The following TMTC1 variants were observed in gnomAD, a reference collection of about 807,000 sequenced individuals.
The protein encoded by TMTC1 is transmembrane O-mannosyltransferase targeting cadherins 1.
In TMTC1, 73 loss-of-function variants were observed where a neutral mutation model predicts 104.8. That is an observed-to-expected ratio of 0.70 (90% confidence interval 0.58 to 0.85). The LOEUF (loss-of-function observed/expected upper bound fraction) is 0.85. TMTC1 is among the 40% of genes least tolerant of loss of function. TMTC1 has a pLI of 0.00. For missense variants in TMTC1, 1,035 were observed against 1,096.1 expected, an observed-to-expected ratio of 0.94 and a Z score of 0.79; for synonymous variants, 434 against 428.7, an observed-to-expected ratio of 1.01 and a Z score of -0.15.
chr12:29,644,111 ATGTGTGTGTGTG>A (rs371107912), intron 5 of TMTC1, among the ~76,000 whole-genome samples: 940 of 74,428 alleles, frequency 0.013, 65 homozygotes, highest in African/African-American at 0.039. Flanking sequence ...ATAAATATAT[ATGTGTGTGTGTG>A]TGTGTGTGTG....
intron 5 of TMTC1, among the ~76,000 whole-genome samples, chr12:29,664,195 A>T (rs927070632): frequency 6.7e-6 from 1 of 150,364 alleles, no homozygotes; most frequent in Admixed American, 6.6e-5. Context: ...TCAAAAAAAT[A>T]AAAATAAAAA....
intron 1 of TMTC1, among the ~76,000 whole-genome samples, chr12:29,782,367 G>A (rs1943853718): frequency 6.6e-6 from 1 of 152,190 alleles, no homozygotes; most frequent in African/African-American, 2.4e-5. Context: ...CACCTGTCAA[G>A]AGGCCTCAGC....
intron 4 of TMTC1, among the ~76,000 whole-genome samples, chr12:29,752,883 G>C (rs545417427): frequency 2.6e-5 from 4 of 152,254 alleles, no homozygotes; most frequent in South Asian, 2.1e-4. Context: ...TCTGGAGAGA[G>C]AGGATAAGGA....
chr12:29,521,274 T>C (rs966226116), intron 11 of TMTC1, among the ~76,000 whole-genome samples: 1 of 152,214 alleles, frequency 6.6e-6, no homozygotes, highest in Non-Finnish European at 1.5e-5. Flanking sequence ...TGGGGAGGGC[T>C]CTGCCCTATC....
intron 10 of TMTC1, among the ~76,000 whole-genome samples, chr12:29,549,057 T>C (rs1945026404): frequency 6.8e-6 from 1 of 146,524 alleles, no homozygotes; most frequent in African/African-American, 2.5e-5. Flanking sequence ...TAAATAAATA[T>C]ATATTTACCC....
chr12:29,628,535 A>C (rs376535467), intron 6 of TMTC1, among the ~76,000 whole-genome samples: 1 of 152,316 alleles, frequency 6.6e-6, no homozygotes, highest in Non-Finnish European at 1.5e-5. Flanking sequence ...ACCAGCATTA[A>C]CGTCAACACA....
At chr12:29,634,117 C>A (rs924915418) in intron 5 of TMTC1, among the ~76,000 whole-genome samples, 3 of 152,146 alleles carry the variant, frequency 2.0e-5, no homozygotes, top group Non-Finnish European at 2.9e-5. Context: ...ATGACCCCAG[C>A]CCCTCATTAA....
intron 5 of TMTC1, chr12:29,640,681 A>G (rs1397115836): frequency 4.6e-5 from 7 of 152,248 alleles, no homozygotes; most frequent in Non-Finnish European, 1.0e-4. Context: ...CAGGGATCCA[A>G]TGGGAGAGAA....
intron 6 of TMTC1, among the ~76,000 whole-genome samples, chr12:29,619,673 T>C (rs1947079396): frequency 6.6e-6 from 1 of 152,250 alleles, no homozygotes; most frequent in African/African-American, 2.4e-5. Flanking sequence ...AAGCCATCCA[T>C]AATCTTTCTA....
intron 5 of TMTC1, chr12:29,660,112 G>T: frequency 1.4e-6 from 1 of 736,968 alleles, no homozygotes; most frequent in Non-Finnish European, 2.2e-6. Flanking sequence ...TAGTCTTGTG[G>T]CTGGCTTGTA....
intron 5 of TMTC1, among the ~76,000 whole-genome samples, chr12:29,637,766 A>T (rs1938630218): frequency 6.6e-6 from 1 of 152,240 alleles, no homozygotes; most frequent in African/African-American, 2.4e-5. Flanking sequence ...CATGAGCCTA[A>T]CATATTTCTT....
chr12:29,508,736 C>G (rs767938404), intron 17 of TMTC1, among the ~76,000 whole-genome samples: 1 of 151,940 alleles, frequency 6.6e-6, no homozygotes, highest in Non-Finnish European at 1.5e-5. Context: ...ACAACATGCC[C>G]GGCTAATTTT....
intron 5 of TMTC1, among the ~76,000 whole-genome samples, chr12:29,666,421 G>T (rs1280537307): frequency 1.3e-5 from 2 of 151,518 alleles, no homozygotes; most frequent in Admixed American, 6.6e-5. Context: ...TTTTAGTAGA[G>T]ACGGGGTTTC....
chr12:29,613,982 T>G lies in TMTC1; in HGVS notation c.1129-9683A>C, dbSNP rs1034261033. On this transcript the variant is annotated intron_variant, in intron 6 of 17. Transcript: ENST00000539277. ...AGTCCCTTTGTTCTATAATCTAAAA[T>G]TAATAAGGAGAAAGAACCATAAAAA... 47 of 945,036 alleles carry G rather than the reference T, an allele frequency of 5.0e-5. No homozygotes were observed. In the African/African-American group the frequency reaches 7.6e-4, roughly 15 times the overall value. 58.5% of individuals were successfully genotyped at this position (945,036 alleles called of 1,614,324 possible). A position where few individuals can be genotyped will look rare whatever the true frequency, so the allele number is the denominator to read the frequency against.
intron 5 of TMTC1, among the ~76,000 whole-genome samples, chr12:29,737,780 T>TC (rs1243442984): frequency 2.0e-5 from 3 of 152,136 alleles, no homozygotes; most frequent in African/African-American, 7.2e-5. Context: ...TGATATGAGC[T>TC]CCCGGAGCCT....
Position 29,541,166 on chromosome 12 carries a change from G to C in TMTC1, c.1677-4849C>G, listed in dbSNP as rs77870140. Among the ~76,000 whole-genome samples, 1,021 of 152,122 alleles carry C rather than the reference G, an allele frequency of 6.7e-3. 22 individuals carry two copies. Among genetic ancestry groups the C allele is most frequent in the East Asian group, 0.055 (285 of 5,176 alleles). ...TTTCTACAGTTCTTTAAGTATTATA[G>C]ACGTGATCCTAAGGAAGACAGAAGC... On this transcript the variant is annotated intron_variant, in intron 10 of 17. Coordinates refer to ENST00000539277, the MANE Select transcript of TMTC1 (RefSeq NM_001193451.2).
upstream of TMTC1, chr12:29,784,708 T>C (rs1943915893): frequency 6.6e-6 from 1 of 152,226 alleles, no homozygotes; most frequent in Non-Finnish European, 1.5e-5. Context: ...TCTTATTTTA[T>C]TGTTTGCTCA....
Position 29,751,818 on chromosome 12 carries a change from G to A in TMTC1, c.786C>T (p.Pro262=), listed in dbSNP as rs1386923817. Reference sequence around the variant, plus strand: ...GGTGAGGATGGCCTGGCAGTGAGGAGGGCTGGGGGCTCCCGGGCTGCTGTG... The same window carrying A: ...GGTGAGGATGGCCTGGCAGTGAGGAAGGCTGGGGGCTCCCGGGCTGCTGTG... ...RSPQQPGSPQ[P]SSLPGHPHRE... Residue 262 remains proline (P), a synonymous_variant, in exon 5 of 18, where the codon CCC becomes CCT. Coordinates refer to ENST00000539277, the MANE Select transcript of TMTC1 (RefSeq NM_001193451.2). 1 of 1,607,628 alleles carries A rather than the reference G, an allele frequency of 6.2e-7. No individual in the cohort carries two copies. The highest frequency in any genetic ancestry group is 8.5e-7 in the Non-Finnish European group (1 of 1,176,878).
chr12:29,588,982 T>TCTTGGGACCCC (rs1393442753), intron 7 of TMTC1, among the ~76,000 whole-genome samples: 2 of 152,162 alleles, frequency 1.3e-5, no homozygotes, highest in African/African-American at 4.8e-5. Context: ...GAAAAAAAAT[T>TCTTGGGACCCC]AAGTTGAAAG....
Sources: allele counts gnomAD v4.1 joint callset (sites outside exome capture counted in the v4.1 genomes callset), GRCh38; gene constraint gnomAD v4.1.1; transcripts MANE v1.5; gene names NCBI Gene and HGNC (gene_info 2026-07-23, HGNC 2026-07-21).